XYLT1: variants seen among roughly 807,000 people sequenced by gnomAD.
XYLT1 encodes the protein xylosyltransferase 1, also known as beta-D-xylosyltransferase 1.
A neutral mutation model predicts 91.3 loss-of-function variants in XYLT1; 36 were observed. That is an observed-to-expected ratio of 0.39 (90% CI 0.30 to 0.52). The LOEUF (loss-of-function observed/expected upper bound fraction) is 0.52, where lower values mean the gene tolerates loss of function less well. Among genes scored for constraint, XYLT1 ranks in the 20% least tolerant of loss-of-function variants. The pLI, the probability that XYLT1 is intolerant of heterozygous loss-of-function variation, is 0.68. For missense variants in XYLT1, 1,242 were observed against 1,284.5 expected (o/e 0.97, Z 0.51); for synonymous variants, 588 against 532.0 (o/e 1.11, Z -1.45).
At chr16:17,334,775 C>T (rs947367088) in intron 2 of XYLT1, among the ~76,000 whole-genome samples, 3 of 151,718 alleles carry the variant, frequency 2.0e-5, no homozygotes, top group East Asian at 1.9e-4. Flanking sequence ...CCCAGCTACT[C>T]GGGAGGCTGA....
chr16:17,189,964 T>C (rs986649816), intron 5 of XYLT1, among the ~76,000 whole-genome samples: 1 of 152,176 alleles, frequency 6.6e-6, no homozygotes, highest in Non-Finnish European at 1.5e-5. Context: ...GAGAATCTCT[T>C]GAACTTGGGA....
chr16:17,155,965 G>C (rs569470296), intron 6 of XYLT1, among the ~76,000 whole-genome samples: 1 of 152,124 alleles, frequency 6.6e-6, no homozygotes, highest in Non-Finnish European at 1.5e-5. Flanking sequence ...CAACAATTTA[G>C]TTCTATGCTT....
chr16:17,138,410 T>C lies in XYLT1; in HGVS notation c.1709A>G (p.Asp570Gly). 6.2e-7 allele frequency: 1 copy of C among 1,614,126 alleles called. No homozygotes were observed. Among genetic ancestry groups the C allele is most frequent in the Non-Finnish European group, 8.5e-7 (1 of 1,180,020 alleles). The change falls in exon 8 of 12, where the codon GAC becomes GGC. Residue 570 changes from aspartate (D) to glycine (G), a missense_variant. Coordinates refer to ENST00000261381, the MANE Select transcript of XYLT1 (RefSeq NM_022166.4). The stretch of plus-strand genomic sequence containing the variant: ...GTCATTGGGGGAGCAGCCGCACCAG[T>C]CCACGATGTGCTTGTACTGGCACTT... The part of the protein sequence containing the change: ...GCKCQYKHIV[D>G]WCGCSPNDFK...
chr16:17,311,596 T>G (rs2034550975), intron 2 of XYLT1, among the ~76,000 whole-genome samples: 1 of 152,118 alleles, frequency 6.6e-6, no homozygotes, highest in African/African-American at 2.4e-5. Flanking sequence ...GGACTGTGGG[T>G]GAATTCCTTC....
At chr16:17,420,812 T>G (rs1269004710) in intron 1 of XYLT1, among the ~76,000 whole-genome samples, 1 of 152,138 alleles carries the variant, frequency 6.6e-6, no homozygotes, top group African/African-American at 2.4e-5. Flanking sequence ...TTGAAGAAAA[T>G]TCCAACCAAA....
intron 2 of XYLT1, among the ~76,000 whole-genome samples, chr16:17,262,363 T>C (rs924322908): frequency 1.3e-5 from 2 of 152,136 alleles, no homozygotes; most frequent in African/African-American, 4.8e-5. Context: ...AAATTCATGT[T>C]GGGGAGGCAG....
rs1177903980 is a variant in XYLT1, at chr16:17,259,416, T to C, written c.485A>G (p.Asn162Ser). Reference sequence around the variant, plus strand: ...GGGTGCGAAGTTGCTGTTGTCGACATTCTCAAAGTCTTTGGGGACAGAGTT... The same window carrying C: ...GGGTGCGAAGTTGCTGTTGTCGACACTCTCAAAGTCTTTGGGGACAGAGTT... ...NENSVPKDFE[N>S]VDNSNFAPRT... is the part of the protein sequence containing the mutation. The change falls in exon 3 of 12, where the codon AAT becomes AGT. Residue 162 changes from asparagine to serine, a missense_variant. Physicochemically the swap from Asn to Ser is conservative, Grantham distance 46. This residue lies in a region of XYLT1 where 437 missense variants were observed against 411.5 expected (regional missense o/e 1.06). Coordinates refer to ENST00000261381, the MANE Select transcript of XYLT1 (RefSeq NM_022166.4). 1 of 1,614,180 alleles carries C rather than the reference T, an allele frequency of 6.2e-7. No homozygotes were observed. The highest frequency in any genetic ancestry group is 1.1e-5 in the South Asian group (1 of 91,086).
Position 17,303,390 on chromosome 16 carries a change from G to C in XYLT1, c.403-43892C>G, listed in dbSNP as rs1396722531. 3.3e-5 allele frequency among the ~76,000 whole-genome samples: 5 copies of C among 152,248 alleles called. No individual in the cohort carries two copies. In the East Asian group the frequency reaches 5.8e-4, roughly 18 times the overall value. ...AGCCCATGTGGCCAGCAAAGGCTCA[G>C]ATATTTACTAATCTATCTGGTCCTC... On this transcript the variant is annotated intron_variant, in intron 2 of 11. Transcript: ENST00000261381.
chr16:17,227,532 C>T (rs1343552575), intron 3 of XYLT1: 3 of 152,230 alleles, frequency 2.0e-5, no homozygotes, highest in Non-Finnish European at 4.4e-5. Context: ...AAGCTGAGTC[C>T]AAATCCTGCC....
chr16:17,435,467 C>T (rs1356233006), intron 1 of XYLT1, among the ~76,000 whole-genome samples: 3 of 152,136 alleles, frequency 2.0e-5, no homozygotes, highest in Non-Finnish European at 4.4e-5. Context: ...TTAAAAAAGG[C>T]AACGGCAGCT....
Position 17,200,620 on chromosome 16 carries a change from G to A in XYLT1, c.948C>T (p.Asp316=), listed in dbSNP as rs750530658. 1 of 1,614,100 alleles carries A rather than the reference G, an allele frequency of 6.2e-7. No individual in the cohort carries two copies. The highest frequency in any genetic ancestry group is 1.3e-5 in the African/African-American group (1 of 75,044). The change falls in exon 4 of 12, where the codon GAC becomes GAT. Residue 316 remains aspartate (D), a synonymous_variant. Coordinates refer to ENST00000261381, the MANE Select transcript of XYLT1 (RefSeq NM_022166.4). The stretch of plus-strand genomic sequence containing the variant: ...GGTTGGCTGGCATGTACTCCACGGA[G>A]TCCTCGTCCCACTGCACGTTCTTGT... The part of the protein sequence containing the change: ...KANKNVQWDE[D]SVEYMPANPV...
rs1243392172 is a variant in XYLT1, at chr16:17,105,362, T to TAGA, written c.*3330_*3332dup. On this transcript the variant is annotated 3_prime_UTR_variant, in exon 12 of 12. Transcript: ENST00000261381. ...TCCTCTCTAAACTCCATTTGCGTTT[T>TAGA]AGAAGTTAAACCCACAATGAGAAAT... 6.6e-6 allele frequency: 1 copy of TAGA among 152,200 alleles called. No individual in the cohort carries two copies. The highest frequency in any genetic ancestry group is 1.9e-4 in the East Asian group (1 of 5,188). The allele number at this position is 152,200 out of a possible 1,614,324, so 9.4% of individuals were successfully genotyped here.
At chr16:17,142,907 T>C (rs2031024090) in intron 6 of XYLT1, among the ~76,000 whole-genome samples, 1 of 152,212 alleles carries the variant, frequency 6.6e-6, no homozygotes. Context: ...AGATTTCAGT[T>C]AGAATTCCAT....
intron 2 of XYLT1, among the ~76,000 whole-genome samples, chr16:17,316,152 T>C (rs1354901506): frequency 3.3e-5 from 5 of 152,216 alleles, no homozygotes. Flanking sequence ...TTTTCTAGGC[T>C]GTGGAACCAA....
intron 2 of XYLT1, among the ~76,000 whole-genome samples, chr16:17,278,185 C>T (rs1043108730): frequency 6.6e-6 from 1 of 152,198 alleles, no homozygotes; most frequent in African/African-American, 2.4e-5. Flanking sequence ...CTTCTGAAGT[C>T]TGGCTGGATT....
At chr16:17,248,745 A>T (rs113210055) in intron 3 of XYLT1, among the ~76,000 whole-genome samples, 136 of 127,022 alleles carry the variant, frequency 1.1e-3, no homozygotes, top group African/African-American at 3.8e-3. Context: ...TTACATGTGA[A>T]TTTTTTTTTT....
chr16:17,416,472 G>A (rs570245110), intron 1 of XYLT1, among the ~76,000 whole-genome samples: 8 of 152,180 alleles, frequency 5.3e-5, no homozygotes, highest in East Asian at 1.9e-4. Flanking sequence ...CCTGAGATGC[G>A]AAAGCACAGA....
rs188262294 is a variant in XYLT1, at chr16:17,311,900, G to C, written c.402+46112C>G. Among the ~76,000 whole-genome samples the C allele has an allele frequency of 1.7e-4, 26 of 149,378 alleles. No individual in the cohort carries two copies. The East Asian group carries it at 4.9e-3, about 28-fold the overall frequency. On this transcript the variant is annotated intron_variant, in intron 2 of 11. Transcript: ENST00000261381. ...CTTATAAAACCATCAGATCTCATGA[G>C]ACTTATTCACTACAATGAGAACAAT...
At chr16:17,167,563 T>A (rs1184550108) in intron 5 of XYLT1, among the ~76,000 whole-genome samples, 2 of 150,388 alleles carry the variant, frequency 1.3e-5, no homozygotes, top group Non-Finnish European at 3.0e-5. Context: ...CATCCTTCCA[T>A]CTCGTGAAGG....
Sources: gnomAD v4.1 joint callset for allele counts (sites outside exome capture counted in the v4.1 genomes callset) on GRCh38, gnomAD v4.1.1 for gene constraint, gnomAD v4.1.1 regional missense constraint, MANE v1.5 for transcripts, NCBI Gene and HGNC (gene_info 2026-07-23, HGNC 2026-07-21) for gene names.